RNFT2: variants seen among roughly 807,000 people sequenced by gnomAD.
The protein encoded by RNFT2 is E3 ubiquitin-protein ligase RNFT2.
RNFT2 carries 36 observed loss-of-function variants against 53.0 expected under a neutral mutation model. That is an observed-to-expected ratio of 0.68 (90% CI 0.52 to 0.90). The LOEUF is 0.90. Among genes scored for constraint, RNFT2 ranks in the 40% least tolerant of loss-of-function variants. The pLI is 0.00. For synonymous variants in RNFT2, 260 were observed against 253.2 expected, an observed-to-expected ratio of 1.03 and a Z score of -0.26; for missense variants, 514 against 585.6, an observed-to-expected ratio of 0.88 and a Z score of 1.26.
chr12:116,813,040 T>C (rs996954808), intron 7 of RNFT2, among the ~76,000 whole-genome samples: 1 of 152,164 alleles, frequency 6.6e-6, no homozygotes, highest in African/African-American at 2.4e-5. Context: ...ATTGCAGCCA[T>C]GACCTCCCAG....
At chr12:116,819,835 A>G (rs1326957462) in intron 7 of RNFT2, among the ~76,000 whole-genome samples, 2 of 152,220 alleles carry the variant, frequency 1.3e-5, no homozygotes, top group East Asian at 3.8e-4. Flanking sequence ...ACTCAGATCA[A>G]AGTATCAACA....
intron 7 of RNFT2, among the ~76,000 whole-genome samples, chr12:116,808,789 G>C (rs1875211876): frequency 6.6e-6 from 1 of 152,154 alleles, no homozygotes; most frequent in Admixed American, 6.5e-5. Flanking sequence ...CCTCCTCCTG[G>C]GGAAATTAGG....
chr12:116,851,993 A>G lies in RNFT2; in HGVS notation c.*2545A>G. 1 of 1,461,604 alleles carries G rather than the reference A, an allele frequency of 6.8e-7. No individual in the cohort carries two copies. Among genetic ancestry groups the G allele is most frequent in the Non-Finnish European group, 9.0e-7 (1 of 1,106,792 alleles). The allele number at this position is 1,461,604 out of a possible 1,614,324, so 90.5% of individuals were successfully genotyped here. On this transcript the variant is annotated 3_prime_UTR_variant, in exon 11 of 11. Coordinates refer to ENST00000257575, the MANE Select transcript of RNFT2 (RefSeq NM_001382266.1). ...TATGTTATGGATGTTTCCACCAACC[A>G]GGGTAGTGGCATGGAGCACCGTAAC...
intron 7 of RNFT2, among the ~76,000 whole-genome samples, chr12:116,781,934 C>G (rs143908897): frequency 0.015 from 2,347 of 151,936 alleles, 74 homozygotes; most frequent in African/African-American, 0.053. Flanking sequence ...AAAAAATTAG[C>G]TGGGCGTGGC....
At chr12:116,839,108 T>C (rs1877119812) in intron 10 of RNFT2, among the ~76,000 whole-genome samples, 1 of 152,232 alleles carries the variant, frequency 6.6e-6, no homozygotes, top group South Asian at 2.1e-4. Flanking sequence ...CGTCCCTGGC[T>C]ATATGGTCTC....
chr12:116,803,070 G>C (rs1238764731), intron 7 of RNFT2, among the ~76,000 whole-genome samples: 1 of 148,694 alleles, frequency 6.7e-6, no homozygotes, highest in African/African-American at 2.5e-5. Flanking sequence ...ACCCCAGCCT[G>C]GGCAACAGAG....
rs373962985 is a variant in RNFT2 at position 116,754,074 on chromosome 12, C to A, written c.627+14C>A. 6.2e-7 allele frequency: 1 copy of A among 1,607,348 alleles called. No homozygotes were observed. The highest frequency in any genetic ancestry group is 8.5e-7 in the Non-Finnish European group (1 of 1,174,296). On this transcript the variant is annotated intron_variant, in intron 5 of 10. Transcript: ENST00000257575. ...GTCTCACTGAAGGTGAGTCACTTTCCGACCTAGTCTCCTGTGGCTGCTGCA... is the reference window on the plus strand; with the variant it reads ...GTCTCACTGAAGGTGAGTCACTTTCAGACCTAGTCTCCTGTGGCTGCTGCA...
intron 7 of RNFT2, among the ~76,000 whole-genome samples, chr12:116,833,297 T>C (rs1876779079): frequency 6.6e-6 from 1 of 152,204 alleles, no homozygotes; most frequent in Admixed American, 6.5e-5. Flanking sequence ...GAAGGACACG[T>C]ATCTCCCCGC....
intron 6 of RNFT2, among the ~76,000 whole-genome samples, chr12:116,774,774 T>G (rs1873350978): frequency 1.1e-4 from 11 of 104,100 alleles, no homozygotes; most frequent in African/African-American, 2.3e-4. Flanking sequence ...AAGGTCCGGG[T>G]GGAGGGTGGA....
rs773404644 is a variant in RNFT2, at chr12:116,849,389, G to A, written c.1276G>A (p.Val426Met). Reference sequence around the variant, plus strand: ...CTGCCCGCTCTGCCGCTCGGTCGCCGTGGACACCCTGCGCTGCTGGAAGGA... The same window carrying A: ...CTGCCCGCTCTGCCGCTCGGTCGCCATGGACACCCTGCGCTGCTGGAAGGA... ...RTCPLCRSVA[V>M]DTLRCWKDGA... The change falls in exon 11 of 11, where the codon GTG becomes ATG. Residue 426 changes from valine (V) to methionine (M), a missense_variant. Transcript: ENST00000257575. 120 of 1,568,484 alleles carry A rather than the reference G, an allele frequency of 7.7e-5. No individual in the cohort carries two copies. The highest frequency in any genetic ancestry group is 2.1e-4 in the South Asian group (18 of 85,362).
chr12:116,771,488 A>ATATATATAT (rs1159943371), intron 6 of RNFT2, among the ~76,000 whole-genome samples: 39 of 99,932 alleles, frequency 3.9e-4, no homozygotes, highest in African/African-American at 1.4e-3. Context: ...AAAAAAAAAA[A>ATATATATAT]AAAAAAATAC....
At chr12:116,812,315 A>C (rs1875419162) in intron 7 of RNFT2, among the ~76,000 whole-genome samples, 1 of 152,112 alleles carries the variant, frequency 6.6e-6, no homozygotes, top group South Asian at 2.1e-4. Context: ...GCCCGACATA[A>C]ATACACGTTG....
intron 6 of RNFT2, among the ~76,000 whole-genome samples, chr12:116,778,286 G>A (rs1456541284): frequency 6.6e-6 from 1 of 152,204 alleles, no homozygotes; most frequent in African/African-American, 2.4e-5. Flanking sequence ...AGCAGAAGGT[G>A]TTTGGGTCAT....
At chr12:116,740,784 A>G (rs2137058957) in intron 2 of RNFT2, 1 of 620,564 alleles carries the variant, frequency 1.6e-6, no homozygotes, top group South Asian at 1.9e-5. Context: ...ATCCTCTCAC[A>G]TGAGGACTTT....
chr12:116,799,056 G>C (rs982252646), intron 7 of RNFT2, among the ~76,000 whole-genome samples: 1 of 152,150 alleles, frequency 6.6e-6, no homozygotes, highest in African/African-American at 2.4e-5. Flanking sequence ...GGCCAGGCTG[G>C]GCTCTTATCT....
In RNFT2 at chr12:116,851,854, T is replaced by G; in HGVS notation, c.*2406T>G. On this transcript the variant is annotated 3_prime_UTR_variant, in exon 11 of 11. Transcript: ENST00000257575. ...GTTACCCCTTGGTCTCCTGTCTTTA[T>G]GTCTTTCTCCTCTTCCTATTCTGTC... The G allele has an allele frequency of 6.6e-7, 1 of 1,509,350 alleles. No homozygotes were observed. The highest frequency in any genetic ancestry group is 8.9e-7 in the Non-Finnish European group (1 of 1,122,284). 93.5% of individuals were successfully genotyped at this position (1,509,350 alleles called of 1,614,324 possible). A position where few individuals can be genotyped will look rare whatever the true frequency, so the allele number is the denominator to read the frequency against.
intron 6 of RNFT2, among the ~76,000 whole-genome samples, chr12:116,776,060 G>A (rs1427972646): frequency 2.0e-5 from 3 of 151,852 alleles, no homozygotes; most frequent in South Asian, 2.1e-4. Flanking sequence ...AAAAAAACTC[G>A]TAATTATTGG....
intron 7 of RNFT2, among the ~76,000 whole-genome samples, chr12:116,789,184 G>A (rs1874086232): frequency 6.8e-6 from 1 of 147,746 alleles, no homozygotes; most frequent in Non-Finnish European, 1.5e-5. Context: ...TGGGTAAATG[G>A]TAGGAGAGTG....
intron 7 of RNFT2, among the ~76,000 whole-genome samples, chr12:116,789,327 A>T (rs544803448): frequency 1.4e-5 from 2 of 146,428 alleles, no homozygotes; most frequent in South Asian, 4.5e-4. Context: ...GGATGGATGG[A>T]TGGGTAAATG....
Sources: allele counts gnomAD v4.1 joint callset (sites outside exome capture counted in the v4.1 genomes callset), GRCh38; gene constraint gnomAD v4.1.1; transcripts MANE v1.5; gene names NCBI Gene and HGNC (gene_info 2026-07-23, HGNC 2026-07-21).